RBFOX3: variants seen among roughly 807,000 people sequenced by gnomAD.
RBFOX3 encodes the protein RNA binding fox-1 homolog 3, also known as RNA binding protein fox-1 homolog 3.
In RBFOX3, 17 loss-of-function variants were observed where a neutral mutation model predicts 48.7. The ratio of observed to expected loss-of-function variants is 0.35; its 90% CI spans 0.24 to 0.52. RBFOX3 has a LOEUF of 0.52. Among genes scored for constraint, RBFOX3 ranks in the 20% least tolerant of loss-of-function variants. RBFOX3 has a pLI of 0.94. For missense variants in RBFOX3, 382 were observed against 497.5 expected (o/e 0.77, Z 2.21); for synonymous variants, 212 against 209.5 (o/e 1.01, Z -0.10).
At chr17:79,395,541 C>G (rs1326529432) in intron 2 of RBFOX3, among the ~76,000 whole-genome samples, 1 of 152,246 alleles carries the variant, frequency 6.6e-6, no homozygotes. Context: ...GAGCTCTGGG[C>G]TGTGGTTTAC....
chr17:79,540,430 T>C (rs1260757505), intron 1 of RBFOX3, among the ~76,000 whole-genome samples: 1 of 152,196 alleles, frequency 6.6e-6, no homozygotes, highest in African/African-American at 2.4e-5. Flanking sequence ...GGCATCCACC[T>C]CCTTAAGGTG....
At chr17:79,573,261 A>G (rs2144608845) in intron 1 of RBFOX3, among the ~76,000 whole-genome samples, 1 of 152,296 alleles carries the variant, frequency 6.6e-6, no homozygotes, top group East Asian at 1.9e-4. Context: ...TGAAAAGGAG[A>G]GAAAGACCAA....
intron 2 of RBFOX3, among the ~76,000 whole-genome samples, chr17:79,336,071 C>T (rs1237617407): frequency 6.6e-6 from 1 of 152,156 alleles, no homozygotes; most frequent in African/African-American, 2.4e-5. Flanking sequence ...TCATTTCACC[C>T]CATCACACCC....
chr17:79,288,208 C>T (rs1192177769), intron 3 of RBFOX3, among the ~76,000 whole-genome samples: 3 of 152,154 alleles, frequency 2.0e-5, no homozygotes, highest in South Asian at 2.1e-4. Flanking sequence ...GCTGGCTGCC[C>T]GTCCCCTCTC....
rs531760595 is a variant in RBFOX3, at chr17:79,249,000, G to A, written c.-73-13195C>T. 2.0e-5 allele frequency among the ~76,000 whole-genome samples: 3 copies of A among 152,358 alleles called. No individual in the cohort carries two copies. The East Asian group carries it at 5.8e-4, about 29-fold the overall frequency. ...AAGCCCCCATTCTGAGCTGGGACCT[G>A]CCTCCATCGGCTGGGATGCGGTGCG... On this transcript the variant is annotated intron_variant, in intron 3 of 14. Transcript: ENST00000693108.
chr17:79,342,728 A>G (rs1272265460), intron 2 of RBFOX3, among the ~76,000 whole-genome samples: 1 of 152,232 alleles, frequency 6.6e-6, no homozygotes, highest in Non-Finnish European at 1.5e-5. Flanking sequence ...TAATGAGAAT[A>G]ATGGGGGAAA....
chr17:79,384,240 C>G (rs60566316), intron 2 of RBFOX3, among the ~76,000 whole-genome samples: 4,016 of 152,192 alleles, frequency 0.026, 170 homozygotes, highest in African/African-American at 0.089. Context: ...GTAAGGGGAG[C>G]GAGGAAGGTA....
intron 1 of RBFOX3, among the ~76,000 whole-genome samples, chr17:79,586,486 T>C (rs1056993709): frequency 6.6e-6 from 1 of 152,172 alleles, no homozygotes; most frequent in Non-Finnish European, 1.5e-5. Flanking sequence ...GCTACAGCGT[T>C]TTGGGGCGTG....
At chr17:79,636,007 T>C in the RBFOX3 span, among the ~76,000 whole-genome samples, 2 of 152,188 alleles carry the variant, frequency 1.3e-5, no homozygotes, top group South Asian at 4.1e-4. Context: ...TTTGGTGATA[T>C]TTATTATTTT....
At chr17:79,620,095 ACATGTG>A in the RBFOX3 span, among the ~76,000 whole-genome samples, 2 of 136,104 alleles carry the variant, frequency 1.5e-5, no homozygotes, top group African/African-American at 7.3e-5. Flanking sequence ...GCACATGCAC[ACATGTG>A]TGCATGCACG....
At chr17:79,305,391 G>C (rs532139911) in intron 3 of RBFOX3, among the ~76,000 whole-genome samples, 2 of 152,140 alleles carry the variant, frequency 1.3e-5, no homozygotes, top group East Asian at 3.9e-4. Flanking sequence ...CCCTAAAAAG[G>C]TCCACCAAAT....
At chr17:79,580,003 T>G (rs2093001699) in intron 1 of RBFOX3, among the ~76,000 whole-genome samples, 1 of 151,756 alleles carries the variant, frequency 6.6e-6, no homozygotes, top group East Asian at 1.9e-4. Context: ...TCACCCTCAG[T>G]TGTCATCTCT....
At chr17:79,276,209 C>G (rs998705954) in intron 3 of RBFOX3, among the ~76,000 whole-genome samples, 16 of 152,160 alleles carry the variant, frequency 1.1e-4, no homozygotes, top group African/African-American at 3.9e-4. Context: ...CCCCCAAGGG[C>G]TGGCCGAGGC....
chr17:79,659,427 G>A, the RBFOX3 span, among the ~76,000 whole-genome samples: 1 of 152,110 alleles, frequency 6.6e-6, no homozygotes. Flanking sequence ...AGCACTCAGA[G>A]CCCAAAGAAC....
At chr17:79,521,631 A>G (rs2086117208) in intron 1 of RBFOX3, among the ~76,000 whole-genome samples, 1 of 152,122 alleles carries the variant, frequency 6.6e-6, no homozygotes, top group Non-Finnish European at 1.5e-5. Flanking sequence ...AGACATACTC[A>G]TATACACTCA....
chr17:79,351,166 A>G (rs2146988346), intron 2 of RBFOX3, among the ~76,000 whole-genome samples: 1 of 152,348 alleles, frequency 6.6e-6, no homozygotes, highest in South Asian at 2.1e-4. Context: ...ATCCATCGAC[A>G]GACACTTGCT....
intron 4 of RBFOX3, among the ~76,000 whole-genome samples, chr17:79,209,729 C>T (rs2058090353): frequency 6.6e-6 from 1 of 151,970 alleles, no homozygotes; most frequent in Non-Finnish European, 1.5e-5. Flanking sequence ...CGTGGTGGCT[C>T]ATGTCTGTAA....
intron 4 of RBFOX3, among the ~76,000 whole-genome samples, chr17:79,136,770 C>G (rs1438506125): frequency 6.6e-6 from 1 of 152,308 alleles, no homozygotes; most frequent in East Asian, 1.9e-4. Flanking sequence ...GGCGGCAGTG[C>G]CAGGCCAGCT....
intron 2 of RBFOX3, among the ~76,000 whole-genome samples, chr17:79,368,350 T>TG (rs892510936): frequency 1.3e-5 from 2 of 152,154 alleles, no homozygotes; most frequent in Admixed American, 6.5e-5. Flanking sequence ...ACCATCCAGG[T>TG]GGGGGACCAG....
Sources: allele counts gnomAD v4.1 joint callset (sites outside exome capture counted in the v4.1 genomes callset), GRCh38; gene constraint gnomAD v4.1.1; transcripts MANE v1.5; gene names NCBI Gene and HGNC (gene_info 2026-07-23, HGNC 2026-07-21).